The following CADPS variants were observed in gnomAD, a reference collection of about 807,000 sequenced individuals.
CADPS encodes calcium dependent secretion activator.
A neutral mutation model predicts 167.3 loss-of-function variants in CADPS; 57 were observed. That is an observed-to-expected ratio of 0.34 (90% confidence interval 0.28 to 0.42). CADPS has a LOEUF of 0.42. Among genes scored for constraint, CADPS ranks in the 20% least tolerant of loss-of-function variants. The probability of loss-of-function intolerance (pLI) is 1.00; values close to 1 mark genes in which losing one functional copy is unlikely to be tolerated. For missense variants in CADPS, 1,414 were observed against 1,738.1 expected (o/e 0.81, Z 3.32); for synonymous variants, 676 against 635.3 (o/e 1.06, Z -0.96).
chr3:62,483,191 T>A (rs1010060956), intron 21 of CADPS, among the ~76,000 whole-genome samples: 1 of 151,808 alleles, frequency 6.6e-6, no homozygotes, highest in African/African-American at 2.4e-5. Flanking sequence ...TCTTTTTGGA[T>A]CTTGCAGGAG....
chr3:62,659,463 T>C (rs1282315948), intron 4 of CADPS, among the ~76,000 whole-genome samples: 9 of 152,192 alleles, frequency 5.9e-5, no homozygotes, highest in Non-Finnish European at 1.2e-4. Flanking sequence ...TGGCTGAAGC[T>C]TAAGAATAAT....
At position 62,782,781 on chromosome 3, in the gene CADPS, A is replaced by G. The variant is rs144287861; in HGVS notation, c.442-16797T>C. The stretch of plus-strand genomic sequence containing the variant: ...TCTTTCTTTTTTTTTTTTTTTTGAG[A>G]CGGAGTCTTGCTCTGTTGCCCAGGC... On this transcript the variant is annotated intron_variant, in intron 1 of 29. Transcript: ENST00000383710. Among the ~76,000 whole-genome samples the G allele has an allele frequency of 9.6e-3, 1,359 of 140,922 alleles. 22 individuals are homozygous for G. Among genetic ancestry groups the G allele is most frequent in the African/African-American group, 0.034 (1,258 of 36,936 alleles). The allele number at this position is 140,922 out of a possible 152,430, so 92.5% of individuals were successfully genotyped here.
chr3:62,524,032 C>T (rs1275997464), intron 13 of CADPS, among the ~76,000 whole-genome samples: 3 of 152,204 alleles, frequency 2.0e-5, no homozygotes, highest in Non-Finnish European at 4.4e-5. Context: ...CTTTGCAGTG[C>T]TCCCTAAATA....
At chr3:62,641,351 T>C (rs1289455934) in intron 6 of CADPS, among the ~76,000 whole-genome samples, 3 of 152,224 alleles carry the variant, frequency 2.0e-5, no homozygotes, top group Non-Finnish European at 2.9e-5. Context: ...GAGTGCCTTC[T>C]TTTTCACATA....
chr3:62,866,538 A>C lies in CADPS; in HGVS notation c.441+8051T>G, dbSNP rs1344224916. On this transcript the variant is annotated intron_variant, in intron 1 of 29. Coordinates refer to ENST00000383710, the MANE Select transcript of CADPS (RefSeq NM_003716.4). ...AAAAGAAAAGATTGACTAAGGACTT[A>C]TGGCAATACTTAGCCCACTACAAAG... Among the ~76,000 whole-genome samples, 3 of 152,052 alleles carry C rather than the reference A, an allele frequency of 2.0e-5. No individual in the cohort carries two copies. In the East Asian group the frequency reaches 5.8e-4, roughly 29 times the overall value.
chr3:62,564,033 G>A (rs755636612), intron 9 of CADPS, among the ~76,000 whole-genome samples: 6 of 151,642 alleles, frequency 4.0e-5, no homozygotes, highest in East Asian at 1.9e-4. Context: ...ACAAATTCTC[G>A]CTCTGTCACC....
At chr3:62,844,175 T>TAAGA (rs2077045994) in intron 1 of CADPS, among the ~76,000 whole-genome samples, 1 of 152,124 alleles carries the variant, frequency 6.6e-6, no homozygotes, top group Admixed American at 6.5e-5. Context: ...AGTTGTAAGG[T>TAAGA]AAGAGCTCTT....
chr3:62,652,871 C>T (rs1333078055), intron 4 of CADPS, among the ~76,000 whole-genome samples: 1 of 152,072 alleles, frequency 6.6e-6, no homozygotes, highest in African/African-American at 2.4e-5. Flanking sequence ...ATTCCCCCAC[C>T]CACTGTTAGT....
At chr3:62,688,657 C>G (rs957319607) in intron 3 of CADPS, among the ~76,000 whole-genome samples, 1 of 152,078 alleles carries the variant, frequency 6.6e-6, no homozygotes, top group Non-Finnish European at 1.5e-5. Context: ...CTTTAAATAC[C>G]TTCCTGTCCT....
At chr3:62,487,477 C>A (rs911707618) in intron 21 of CADPS, among the ~76,000 whole-genome samples, 1 of 152,180 alleles carries the variant, frequency 6.6e-6, no homozygotes, top group Non-Finnish European at 1.5e-5. Context: ...GGGCCATGGG[C>A]TCCAGATTTT....
chr3:62,442,826 T>C (rs1189332588), intron 27 of CADPS, among the ~76,000 whole-genome samples: 1 of 152,124 alleles, frequency 6.6e-6, no homozygotes, highest in Admixed American at 6.5e-5. Flanking sequence ...TTTCCTCAGC[T>C]ATAAAACAGA....
chr3:62,636,270 G>C (rs371924655), intron 6 of CADPS, among the ~76,000 whole-genome samples: 1 of 152,206 alleles, frequency 6.6e-6, no homozygotes, highest in Non-Finnish European at 1.5e-5. Flanking sequence ...GCACAGGTGA[G>C]ATTCAAAGTA....
chr3:62,445,866 T>C (rs2057138902), intron 26 of CADPS, 69 bp from the exon 27 acceptor site: 1 of 1,086,664 alleles, frequency 9.2e-7, no homozygotes, highest in African/African-American at 1.6e-5. Context: ...CTCAATGCTG[T>C]ATCCCCATCA....
At chr3:62,530,667 G>T in intron 13 of CADPS, 1 of 1,287,766 alleles carries the variant, frequency 7.8e-7, no homozygotes, top group South Asian at 1.2e-5. Context: ...TTCAGCTCTT[G>T]ATTTGCCTGG....
rs888383540 is a variant in CADPS, at chr3:62,442,461, C to T, written c.3669+3304G>A. Among the ~76,000 whole-genome samples the T allele has an allele frequency of 5.9e-5, 9 of 152,230 alleles. No homozygotes were observed. In the South Asian group the frequency reaches 1.7e-3, roughly 28 times the overall value. ...CTTGAACTCCTGAACTCAGGTGATC[C>T]ACCCACCTTGGCCTCCCAAAGTGCT... On this transcript the variant is annotated intron_variant, in intron 27 of 29. Coordinates refer to ENST00000383710, the MANE Select transcript of CADPS (RefSeq NM_003716.4).
chr3:62,669,937 G>T (rs1455350509), intron 3 of CADPS, among the ~76,000 whole-genome samples: 1 of 152,078 alleles, frequency 6.6e-6, no homozygotes, highest in African/African-American at 2.4e-5. Flanking sequence ...CCCCTTTTGG[G>T]TAAGAAACCA....
At chr3:62,809,635 A>C (rs1479071875) in intron 1 of CADPS, among the ~76,000 whole-genome samples, 1 of 151,192 alleles carries the variant, frequency 6.6e-6, no homozygotes, top group Non-Finnish European at 1.5e-5. Flanking sequence ...AGCACTTATC[A>C]CTCTCTGGTG....
chr3:62,423,904 T>C (rs534157061), intron 28 of CADPS, among the ~76,000 whole-genome samples: 1 of 152,332 alleles, frequency 6.6e-6, no homozygotes, highest in East Asian at 1.9e-4. Flanking sequence ...AAAATATACA[T>C]TTAGAAAACT....
At chr3:62,567,470 G>A (rs1010563710) in intron 9 of CADPS, among the ~76,000 whole-genome samples, 60 of 151,588 alleles carry the variant, frequency 4.0e-4, no homozygotes, top group African/African-American at 1.2e-3. Flanking sequence ...TATCGGGGAG[G>A]CCAGGCATGC....
Sources: gnomAD v4.1 joint callset for allele counts (sites outside exome capture counted in the v4.1 genomes callset) on GRCh38, gnomAD v4.1.1 for gene constraint, MANE v1.5 for transcripts, NCBI Gene and HGNC (gene_info 2026-07-23, HGNC 2026-07-21) for gene names.